Variants in SYT1 observed in about 807,000 individuals in gnomAD.
The protein encoded by SYT1 is synaptotagmin-1.
SYT1 carries 8 observed loss-of-function variants against 44.8 expected under a neutral mutation model. The observed-to-expected ratio is 0.18, with a 90% CI of 0.10 to 0.32. SYT1 has a LOEUF of 0.32. Among genes scored for constraint, SYT1 ranks in the 10% least tolerant of loss-of-function variants. The pLI, the probability that SYT1 is intolerant of heterozygous loss-of-function variation, is 1.00. For synonymous variants in SYT1, 154 were observed against 188.8 expected, an observed-to-expected ratio of 0.82 and a Z score of 1.51; for missense variants, 286 against 509.3, an observed-to-expected ratio of 0.56 and a Z score of 4.22.
chr12:79,407,896 ACCT>A (rs1885299083), intron 9 of SYT1, among the ~76,000 whole-genome samples: 1 of 151,870 alleles, frequency 6.6e-6, no homozygotes. Flanking sequence ...CTGTATTGTG[ACCT>A]CTTCTTCCCA....
intron 9 of SYT1, among the ~76,000 whole-genome samples, chr12:79,357,805 C>G (rs552155506): frequency 6.6e-6 from 1 of 152,246 alleles, no homozygotes; most frequent in African/African-American, 2.4e-5. Flanking sequence ...GTCTCAATAG[C>G]TTCGTTGCCT....
chr12:79,178,975 GATATAGATATATCT>G lies in SYT1; in HGVS notation c.-17-38516_-17-38503del, dbSNP rs1176514443. Among the ~76,000 whole-genome samples, 256 of 89,014 alleles carry G rather than the reference GATATAGATATATCT, an allele frequency of 2.9e-3. 15 individuals carry two copies. The highest frequency in any genetic ancestry group is 4.2e-3 in the South Asian group (13 of 3,104). 58.4% of individuals were successfully genotyped at this position (89,014 alleles called of 152,430 possible). ...ATATAGATATAGATATAGATATATA[GATATAGATATATCT>G]ATATAGATATAGATATAGATATATA... On this transcript the variant is annotated intron_variant, in intron 3 of 10. Transcript: ENST00000261205.
Position 78,870,717 on chromosome 12 carries a change from A to AG in SYT1, c.-217+5611dup. 2.0e-5 allele frequency among the ~76,000 whole-genome samples: 3 copies of AG among 152,164 alleles called. No homozygotes were observed. The South Asian group carries it at 6.2e-4, about 32-fold the overall frequency. Reference sequence around the variant, plus strand: ...TGAAAGTTCTCATGATGTGGCCTCCAGGGAACAGCCTCTTGTTTTACTTGA... The same window carrying AG: ...TGAAAGTTCTCATGATGTGGCCTCCAGGGGAACAGCCTCTTGTTTTACTTGA... On this transcript the variant is annotated intron_variant, in intron 1 of 10. Coordinates refer to ENST00000261205, the MANE Select transcript of SYT1 (RefSeq NM_005639.3).
chr12:79,217,429 C>T, intron 3 of SYT1, 74 bp from the exon 4 acceptor site: 1 of 1,326,868 alleles, frequency 7.5e-7, no homozygotes, highest in Non-Finnish European at 9.9e-7. Flanking sequence ...GTTGTTTCAT[C>T]TCTGGGATAC....
At chr12:78,981,976 G>A (rs1313680969) in intron 2 of SYT1, among the ~76,000 whole-genome samples, 1 of 151,956 alleles carries the variant, frequency 6.6e-6, no homozygotes, top group African/African-American at 2.4e-5. Flanking sequence ...AGAGAAGAAG[G>A]TGCAAAAAAA....
chr12:79,060,164 T>A (rs2137837621), intron 3 of SYT1, among the ~76,000 whole-genome samples: 1 of 152,230 alleles, frequency 6.6e-6, no homozygotes, highest in South Asian at 2.1e-4. Context: ...TTTATCCAGC[T>A]CTATCATAGC....
intron 9 of SYT1, among the ~76,000 whole-genome samples, chr12:79,365,446 T>C (rs1367924210): frequency 6.6e-6 from 1 of 152,044 alleles, no homozygotes; most frequent in East Asian, 1.9e-4. Context: ...TAACATGCTC[T>C]TGGATAGGGA....
intron 2 of SYT1, among the ~76,000 whole-genome samples, chr12:78,978,812 A>G (rs1869034080): frequency 1.3e-5 from 2 of 152,212 alleles, no homozygotes; most frequent in Admixed American, 6.5e-5. Context: ...TACTACTTCT[A>G]TCTTAGACTT....
rs147293979 is a variant in SYT1 at position 79,303,737 on chromosome 12, T to C, written c.810+4186T>C. Among the ~76,000 whole-genome samples, 632 of 152,322 alleles carry C rather than the reference T, an allele frequency of 4.1e-3. 3 individuals carry two copies. The highest frequency in any genetic ancestry group is 0.014 in the African/African-American group (595 of 41,588). On this transcript the variant is annotated intron_variant, in intron 8 of 10. Transcript: ENST00000261205. ...AAGATTTACTTCACAGAAAAGCATGTGAAGAATACATATTCAATCAAATGG... is the reference window on the plus strand; with the variant it reads ...AAGATTTACTTCACAGAAAAGCATGCGAAGAATACATATTCAATCAAATGG...
At chr12:78,943,136 G>C (rs1878471028) in intron 1 of SYT1, among the ~76,000 whole-genome samples, 1 of 152,154 alleles carries the variant, frequency 6.6e-6, no homozygotes, top group Non-Finnish European at 1.5e-5. Context: ...ATCCATTCAA[G>C]TGGCTAGTTC....
At chr12:79,401,643 A>G (rs1286408346) in intron 9 of SYT1, among the ~76,000 whole-genome samples, 1 of 151,628 alleles carries the variant, frequency 6.6e-6, no homozygotes, top group Non-Finnish European at 1.5e-5. Context: ...ATTAAAGATA[A>G]TAATTAAAAC....
intron 9 of SYT1, among the ~76,000 whole-genome samples, chr12:79,375,565 T>A (rs1883960842): frequency 6.6e-6 from 1 of 152,224 alleles, no homozygotes; most frequent in Non-Finnish European, 1.5e-5. Context: ...AGGATCCCAG[T>A]TCTGCCACTC....
At chr12:79,045,246 C>G (rs900935365) in intron 2 of SYT1, among the ~76,000 whole-genome samples, 59 of 152,320 alleles carry the variant, frequency 3.9e-4, no homozygotes, top group African/African-American at 1.2e-3. Context: ...AGTTTGATCT[C>G]AGACTGCTGT....
intron 3 of SYT1, among the ~76,000 whole-genome samples, chr12:79,179,591 A>AT (rs1221694434): frequency 3.3e-4 from 49 of 149,856 alleles, no homozygotes; most frequent in African/African-American, 1.1e-3. Flanking sequence ...ATAGATATAG[A>AT]TTTTTTTTAA....
At chr12:79,254,688 T>C (rs1239001953) in intron 4 of SYT1, among the ~76,000 whole-genome samples, 1 of 152,200 alleles carries the variant, frequency 6.6e-6, no homozygotes, top group African/African-American at 2.4e-5. Context: ...CTAGATGCCA[T>C]TAAGAACATT....
chr12:79,069,043 C>G (rs1302973300), intron 3 of SYT1, among the ~76,000 whole-genome samples: 2 of 151,954 alleles, frequency 1.3e-5, no homozygotes, highest in African/African-American at 4.8e-5. Context: ...ATATACAGGC[C>G]AAATAGAATT....
At chr12:79,303,969 G>T (rs892815578) in intron 8 of SYT1, among the ~76,000 whole-genome samples, 4 of 152,148 alleles carry the variant, frequency 2.6e-5, no homozygotes, top group Non-Finnish European at 2.9e-5. Flanking sequence ...CTTATAAAAG[G>T]TTAATTGTTG....
chr12:79,219,040 A>G (rs934186944), intron 4 of SYT1, among the ~76,000 whole-genome samples: 1 of 152,060 alleles, frequency 6.6e-6, no homozygotes, highest in African/African-American at 2.4e-5. Flanking sequence ...TGATTTTTTG[A>G]TAATAGCCAT....
intron 3 of SYT1, among the ~76,000 whole-genome samples, chr12:79,180,826 TC>T (rs1872493543): frequency 6.6e-6 from 1 of 151,998 alleles, no homozygotes; most frequent in South Asian, 2.1e-4. Flanking sequence ...TTTGGCTGTG[TC>T]CCCCAGCCCA....
Sources: gnomAD v4.1 joint callset for allele counts (sites outside exome capture counted in the v4.1 genomes callset) on GRCh38, gnomAD v4.1.1 for gene constraint, MANE v1.5 for transcripts, NCBI Gene and HGNC (gene_info 2026-07-23, HGNC 2026-07-21) for gene names.